Variants in ARHGAP11A observed in about 807,000 individuals in gnomAD.
The protein encoded by ARHGAP11A is Rho GTPase activating protein 11A.
Under a neutral mutation model 60.5 loss-of-function variants are expected in ARHGAP11A, and 36 were observed. That is an observed-to-expected ratio of 0.59 (90% CI 0.46 to 0.79). The LOEUF (loss-of-function observed/expected upper bound fraction) is 0.79. Among genes scored for constraint, ARHGAP11A ranks in the 30% least tolerant of loss-of-function variants. The pLI is 0.00. For missense variants in ARHGAP11A, 1,071 were observed against 1,199.2 expected, an observed-to-expected ratio of 0.89 and a Z score of 1.58; for synonymous variants, 362 against 415.5, an observed-to-expected ratio of 0.87 and a Z score of 1.57.
Position 32,635,835 on chromosome 15 carries a change from A to G in ARHGAP11A, c.1403A>G (p.Gln468Arg), listed in dbSNP as rs368954629. Residue 468 changes from glutamine to arginine, a missense_variant, in exon 11 of 12, where the codon CAA becomes CGA. By Grantham distance (43) the Gln-to-Arg change is conservative (BLOSUM62 1). This residue lies in a region of ARHGAP11A where 776 missense variants were observed against 760.2 expected (regional missense o/e 1.02). Coordinates refer to ENST00000361627, the MANE Select transcript of ARHGAP11A (RefSeq NM_014783.6). ...GTTGGTTGGCGACTTGCAAATCAAC[A>G]AAGTTTAAAAAATCGAATTGAATCT... ...ESVGWRLANQ[Q>R]SLKNRIESVK... The G allele has an allele frequency of 4.3e-6, 7 of 1,611,382 alleles. No homozygotes were observed. The African/African-American group carries it at 8.0e-5, about 18-fold the overall frequency.
In ARHGAP11A at chr15:32,637,683, A is replaced by G. The variant is rs770990360; in HGVS notation, c.2910A>G (p.Ile970Met). 24 of 1,614,108 alleles carry G rather than the reference A, an allele frequency of 1.5e-5. No individual in the cohort carries two copies. In the East Asian group the frequency reaches 2.9e-4, roughly 19 times the overall value. Residue 970 changes from isoleucine (I) to methionine (M), a missense_variant, in exon 12 of 12, where the codon ATA becomes ATG. Around this residue, in one of 4 missense-constraint regions of ARHGAP11A, gnomAD observed 776 missense variants for 760.2 expected, o/e 1.02. Transcript: ENST00000361627. ...TGGATGATCTGACTAATCATGATAT[A>G]GTAAAACCAGTTGTAAATAACAACA... ...VPLDDLTNHD[I>M]VKPVVNNNMG...
At chr15:32,635,547 G>A (rs1391797953) in intron 10 of ARHGAP11A, among the ~76,000 whole-genome samples, 1 of 152,150 alleles carries the variant, frequency 6.6e-6, no homozygotes. Context: ...TAATTAATAT[G>A]TGAGACTGTT....
At chr15:32,617,768 G>C (rs754399927) in intron 1 of ARHGAP11A, among the ~76,000 whole-genome samples, 36 of 152,050 alleles carry the variant, frequency 2.4e-4, no homozygotes, top group Non-Finnish European at 4.7e-4. Context: ...CACTGCACTC[G>C]GCCTTTTCAC....
intron 1 of ARHGAP11A, among the ~76,000 whole-genome samples, chr15:32,617,510 C>A (rs1358073501): frequency 2.4e-5 from 3 of 122,824 alleles, no homozygotes; most frequent in Admixed American, 1.0e-4. Flanking sequence ...CTCCCTCTGT[C>A]GCCCAGGCTG....
chr15:32,633,922 A>T lies in ARHGAP11A; in HGVS notation c.1236-11A>T. The T allele has an allele frequency of 6.4e-7, 1 of 1,555,834 alleles. No individual in the cohort carries two copies. On this transcript the variant is annotated splice_polypyrimidine_tract_variant and intron_variant, in intron 9 of 11. Coordinates refer to ENST00000361627, the MANE Select transcript of ARHGAP11A (RefSeq NM_014783.6). Reference sequence around the variant, plus strand: ...ACTATAAACTGACATTTTTAATTCCACTTCTTCTAGAGTGGAATCAGGAAA... The same window carrying T: ...ACTATAAACTGACATTTTTAATTCCTCTTCTTCTAGAGTGGAATCAGGAAA...
intron 10 of ARHGAP11A, among the ~76,000 whole-genome samples, chr15:32,635,145 C>T (rs2053675572): frequency 6.6e-6 from 1 of 152,228 alleles, no homozygotes; most frequent in South Asian, 2.1e-4. Context: ...TCTGAGCTCT[C>T]CTCCAGTCCC....
chr15:32,631,882 GC>G (rs1213111208), intron 8 of ARHGAP11A, among the ~76,000 whole-genome samples: 7 of 152,030 alleles, frequency 4.6e-5, no homozygotes, highest in African/African-American at 1.7e-4. Context: ...CACCATGTTG[GC>G]CAGGCTGGTT....
At chr15:32,618,235 T>C (rs762614640) in intron 1 of ARHGAP11A, among the ~76,000 whole-genome samples, 1 of 152,118 alleles carries the variant, frequency 6.6e-6, no homozygotes, top group East Asian at 1.9e-4. Flanking sequence ...GATTAAATTA[T>C]AGTGGTTACT....
Position 32,638,043 on chromosome 15 carries a change from GA to G in ARHGAP11A, c.*199del. On this transcript the variant is annotated 3_prime_UTR_variant, in exon 12 of 12. Transcript: ENST00000361627. ...AAATTACTTCTTTGTTTTTCTTAAT[GA>G]TGGCAATTTTTAAACTTTAATTTTA... The G allele has an allele frequency of 5.4e-6, 3 of 554,468 alleles. No individual in the cohort carries two copies. Among genetic ancestry groups the G allele is most frequent in the Non-Finnish European group, 9.2e-6 (3 of 325,942 alleles). 34.3% of individuals were successfully genotyped at this position (554,468 alleles called of 1,614,324 possible).
rs149871501 is a variant in ARHGAP11A, at chr15:32,616,267, A to G, written c.56A>G (p.Tyr19Cys). ...CTGTTGCAGCATCTGCGGGCCTTCT[A>G]TGGTATTAAGGTGAAGGGTGTCCGT... ...LALLQHLRAF[Y>C]GIKVKGVRGQ... Residue 19 changes from tyrosine to cysteine, a missense_variant, in exon 1 of 12, where the codon TAT becomes TGT. Physicochemically the swap from Tyr to Cys is radical, Grantham distance 194. This residue lies in a region of ARHGAP11A where 28 missense variants were observed against 24.5 expected (regional missense o/e 1.14). Coordinates refer to ENST00000361627, the MANE Select transcript of ARHGAP11A (RefSeq NM_014783.6). 63 of 1,613,924 alleles carry G rather than the reference A, an allele frequency of 3.9e-5. No individual in the cohort carries two copies. The highest frequency in any genetic ancestry group is 1.1e-4 in the African/African-American group (8 of 74,850).
At chr15:32,624,123 A>T (rs546324859) in intron 3 of ARHGAP11A, 50 bp from the exon 4 acceptor site, 2 of 1,608,294 alleles carry the variant, frequency 1.2e-6, no homozygotes, top group African/African-American at 2.7e-5. Flanking sequence ...CTTTATTTGC[A>T]ATAAACTCTT....
In ARHGAP11A at chr15:32,636,560, T is replaced by C. The variant is rs559605810; in HGVS notation, c.1787T>C (p.Leu596Ser). 6.2e-7 allele frequency: 1 copy of C among 1,614,134 alleles called. No individual in the cohort carries two copies. The highest frequency in any genetic ancestry group is 2.2e-5 in the East Asian group (1 of 44,866). ...GAAAATAACATGACCAAAGAGACTTTGGTGAAAGTTCAAAAAGCGTTTTCT... is the reference window on the plus strand; with the variant it reads ...GAAAATAACATGACCAAAGAGACTTCGGTGAAAGTTCAAAAAGCGTTTTCT... ...GDENNMTKET[L>S]VKVQKAFSES... is the part of the protein sequence containing the mutation. The change falls in exon 12 of 12, where the codon TTG becomes TCG. Residue 596 changes from leucine to serine, a missense_variant. Transcript: ENST00000361627.
At position 32,635,932 on chromosome 15, in the gene ARHGAP11A, C is replaced by T; in HGVS notation, c.1483+17C>T. On this transcript the variant is annotated intron_variant, in intron 11 of 11. Coordinates refer to ENST00000361627, the MANE Select transcript of ARHGAP11A (RefSeq NM_014783.6). ...CAAAGAAAGGTACATTTACATACTA[C>T]TGTTAGAGTTTTACCTAAAAATCCT... is the stretch of plus-strand genomic sequence containing the variant. The T allele has an allele frequency of 6.4e-7, 1 of 1,572,112 alleles. No individual in the cohort carries two copies. The highest frequency in any genetic ancestry group is 2.0e-5 in the Admixed American group (1 of 50,318).
intron 6 of ARHGAP11A, 145 bp from the exon 7 acceptor site, chr15:32,628,583 T>G: frequency 1.7e-6 from 1 of 584,856 alleles, no homozygotes; most frequent in East Asian, 3.3e-5. Context: ...ATTTTTCCTA[T>G]TTTGAAATAA....
chr15:32,629,905 A>C (rs2053550918), intron 8 of ARHGAP11A, 143 bp downstream of exon 8: 9 of 603,784 alleles, frequency 1.5e-5, no homozygotes, highest in Admixed American at 3.6e-5. Flanking sequence ...TTTTTATAAA[A>C]CCCCCTGCCT....
chr15:32,627,104 T>A (rs1362122613), intron 6 of ARHGAP11A, among the ~76,000 whole-genome samples: 1 of 152,144 alleles, frequency 6.6e-6, no homozygotes, highest in Non-Finnish European at 1.5e-5. Context: ...TCACCAGTCC[T>A]GTAGTTTCAG....
chr15:32,629,649 C>T lies in ARHGAP11A; in HGVS notation c.992C>T (p.Pro331Leu), dbSNP rs762751573. Residue 331 changes from proline to leucine, a missense_variant, in exon 8 of 12, where the codon CCA (proline) becomes CTA (leucine). By Grantham distance (98) the Pro-to-Leu change is moderately conservative (BLOSUM62 -3). This residue lies in a region of ARHGAP11A where 196 missense variants were observed against 272.1 expected (regional missense o/e 0.72). Coordinates refer to ENST00000361627, the MANE Select transcript of ARHGAP11A (RefSeq NM_014783.6). Reference protein sequence around the residue: ...ILTPNAKRTLPVDSSHGFSSK... With the variant: ...ILTPNAKRTLLVDSSHGFSSK... ...ACACCAAATGCTAAGCGTACATTGC[C>T]AGTAGATTCTTCTCATGGTTTCTCA... is the stretch of plus-strand genomic sequence containing the variant. The T allele has an allele frequency of 5.0e-6, 8 of 1,613,428 alleles. No homozygotes were observed. Among genetic ancestry groups the T allele is most frequent in the Non-Finnish European group, 5.9e-6 (7 of 1,179,712 alleles).
intron 1 of ARHGAP11A, 113 bp downstream of exon 1, chr15:32,616,453 G>A (rs897900185): frequency 6.6e-6 from 10 of 1,518,930 alleles, no homozygotes; most frequent in Non-Finnish European, 8.9e-6. Context: ...GAATGGTTAG[G>A]TGTGTAATTC....
intron 10 of ARHGAP11A, among the ~76,000 whole-genome samples, chr15:32,634,820 C>A (rs1007161122): frequency 1.3e-5 from 2 of 152,180 alleles, no homozygotes; most frequent in Non-Finnish European, 2.9e-5. Flanking sequence ...CATGTCTAAT[C>A]CATTAGAGAA....
Sources: allele counts gnomAD v4.1 joint callset (sites outside exome capture counted in the v4.1 genomes callset), GRCh38; gene constraint gnomAD v4.1.1; regional missense constraint gnomAD v4.1.1; transcripts MANE v1.5; gene names NCBI Gene and HGNC (gene_info 2026-07-23, HGNC 2026-07-21).